Variants in RMDN2 observed in about 807,000 individuals in gnomAD.
RMDN2 encodes regulator of microtubule dynamics 2.
In RMDN2, 61 loss-of-function variants were observed where a neutral mutation model predicts 52.8. That is an observed-to-expected ratio of 1.16 (90% confidence interval 0.94 to 1.43). The LOEUF is 1.43. Among genes scored for constraint, RMDN2 ranks in the 40% most tolerant of loss-of-function variants. The pLI, the probability that RMDN2 is intolerant of heterozygous loss-of-function variation, is 0.00. For synonymous variants in RMDN2, 180 were observed against 153.1 expected, an observed-to-expected ratio of 1.18 and a Z score of -1.30; for missense variants, 592 against 475.3, an observed-to-expected ratio of 1.25 and a Z score of -2.28.
At chr2:38,015,497 G>A (rs887083538) in intron 10 of RMDN2, among the ~76,000 whole-genome samples, 7 of 151,718 alleles carry the variant, frequency 4.6e-5, no homozygotes, top group South Asian at 2.1e-4. Context: ...CCCGGAAGGC[G>A]GAGGTTGCAG....
chr2:37,987,837 T>C (rs1186591646), intron 5 of RMDN2, among the ~76,000 whole-genome samples: 4 of 152,036 alleles, frequency 2.6e-5, no homozygotes, highest in African/African-American at 4.8e-5. Flanking sequence ...GGTGGGCAGA[T>C]CACCTGAGGT....
At chr2:38,001,026 G>C (rs183174707) in intron 8 of RMDN2, among the ~76,000 whole-genome samples, 14 of 152,300 alleles carry the variant, frequency 9.2e-5, no homozygotes, top group Admixed American at 8.5e-4. Flanking sequence ...TGGGAGACAG[G>C]CTACCCTGAT....
intron 10 of RMDN2, among the ~76,000 whole-genome samples, chr2:38,005,334 C>G (rs555242210): frequency 6.6e-6 from 1 of 152,158 alleles, no homozygotes; most frequent in African/African-American, 2.4e-5. Flanking sequence ...TAAAAGTGTT[C>G]CTATTTCTCC....
intron 10 of RMDN2, among the ~76,000 whole-genome samples, chr2:38,056,347 G>A (rs1431414159): frequency 6.6e-6 from 1 of 152,104 alleles, no homozygotes; most frequent in Non-Finnish European, 1.5e-5. Context: ...GTTCTTAATC[G>A]TTGTTCCCAA....
chr2:38,021,200 A>G (rs548455211), downstream of RMDN2, among the ~76,000 whole-genome samples: 18 of 152,138 alleles, frequency 1.2e-4, no homozygotes, highest in Admixed American at 3.3e-4. Context: ...GGATGTGGAG[A>G]ACTTTTGTGT....
chr2:38,043,785 C>T (rs1681106779), intron 10 of RMDN2, among the ~76,000 whole-genome samples: 1 of 151,962 alleles, frequency 6.6e-6, no homozygotes, highest in Non-Finnish European at 1.5e-5. Flanking sequence ...ATTCCAGATT[C>T]CTCCTTCTTA....
At chr2:37,933,858 A>G (rs1370479523) in intron 2 of RMDN2, among the ~76,000 whole-genome samples, 1 of 152,234 alleles carries the variant, frequency 6.6e-6, no homozygotes, top group Non-Finnish European at 1.5e-5. Context: ...ATAAGTATGT[A>G]GAAACTCACT....
chr2:38,066,273 C>G (rs1682276231), intron 10 of RMDN2, among the ~76,000 whole-genome samples: 2 of 152,168 alleles, frequency 1.3e-5, no homozygotes, highest in South Asian at 4.1e-4. Flanking sequence ...GAAAAGTGTG[C>G]ATGAAGAGCA....
At chr2:38,003,588 A>G (rs1325801661) in intron 8 of RMDN2, among the ~76,000 whole-genome samples, 23 of 151,916 alleles carry the variant, frequency 1.5e-4, no homozygotes, top group East Asian at 7.7e-4. Context: ...AGATAGATAG[A>G]TAGATAGATA....
intron 10 of RMDN2, among the ~76,000 whole-genome samples, chr2:38,026,509 T>C (rs1679791805): frequency 6.6e-6 from 1 of 152,206 alleles, no homozygotes; most frequent in Non-Finnish European, 1.5e-5. Flanking sequence ...TTTATCATTT[T>C]CTTCCTTCTC....
chr2:37,926,685 A>T (rs1437007921), intron 1 of RMDN2, among the ~76,000 whole-genome samples: 1 of 152,254 alleles, frequency 6.6e-6, no homozygotes, highest in Admixed American at 6.5e-5. Context: ...CATGCTGCTT[A>T]TCCCAGCACT....
At chr2:38,060,188 G>A (rs915262363) in intron 10 of RMDN2, among the ~76,000 whole-genome samples, 3 of 151,530 alleles carry the variant, frequency 2.0e-5, no homozygotes, top group Non-Finnish European at 4.4e-5. Context: ...CTCATGATCC[G>A]CCAGCCTTGG....
chr2:37,997,143 T>A (rs1469848408), intron 7 of RMDN2, among the ~76,000 whole-genome samples: 1 of 152,200 alleles, frequency 6.6e-6, no homozygotes, highest in African/African-American at 2.4e-5. Flanking sequence ...AATCTTCTTA[T>A]CCAGAGTATT....
intron 2 of RMDN2, chr2:37,951,879 A>G: frequency 6.2e-7 from 1 of 1,613,426 alleles, no homozygotes; most frequent in Non-Finnish European, 8.5e-7. Context: ...TGCAAGTGAT[A>G]TTTCCTCTCC....
chr2:38,032,845 T>C (rs1411153540), intron 10 of RMDN2: 3 of 151,066 alleles, frequency 2.0e-5, no homozygotes, highest in Non-Finnish European at 4.4e-5. Flanking sequence ...TCACAAAAAA[T>C]GTAAAAAAAA....
rs76017993 is a variant in RMDN2 at position 37,946,558 on chromosome 2, A to C, written c.452+16829A>C. Among the ~76,000 whole-genome samples, 272 of 152,338 alleles carry C rather than the reference A, an allele frequency of 1.8e-3. 4 individuals are homozygous for C. In the East Asian group the frequency reaches 0.044, roughly 25 times the overall value. On this transcript the variant is annotated intron_variant, in intron 2 of 10. Transcript: ENST00000354545. ...TACATTATCATGAAGTATTTGCATT[A>C]ATGATGAATGAACATGTGAAGGAAG... is the stretch of plus-strand genomic sequence containing the variant.
At chr2:37,969,176 T>G (rs1285194014) in intron 2 of RMDN2, among the ~76,000 whole-genome samples, 3 of 152,198 alleles carry the variant, frequency 2.0e-5, no homozygotes, top group East Asian at 3.9e-4. Flanking sequence ...CTGATATTGG[T>G]TCTTCAAAAT....
intron 2 of RMDN2, among the ~76,000 whole-genome samples, chr2:37,965,638 A>C (rs1171698023): frequency 6.6e-6 from 1 of 152,176 alleles, no homozygotes; most frequent in Non-Finnish European, 1.5e-5. Flanking sequence ...AAAAGAATAA[A>C]AGGTGGAGTT....
intron 7 of RMDN2, among the ~76,000 whole-genome samples, chr2:37,995,100 G>A (rs577432717): frequency 3.9e-5 from 6 of 152,152 alleles, no homozygotes; most frequent in South Asian, 4.1e-4. Context: ...GTCAAAACTC[G>A]CTGAACTGTA....
Sources: allele counts gnomAD v4.1 joint callset (sites outside exome capture counted in the v4.1 genomes callset), GRCh38; gene constraint gnomAD v4.1.1; transcripts MANE v1.5; gene names NCBI Gene and HGNC (gene_info 2026-07-23, HGNC 2026-07-21).